Variants in PDE4D observed in about 807,000 individuals in gnomAD.
The protein encoded by PDE4D is phosphodiesterase 4D, also known as 3',5'-cyclic-AMP phosphodiesterase 4D.
PDE4D carries 24 observed loss-of-function variants against 87.4 expected under a neutral mutation model. The observed-to-expected ratio is 0.27, with a 90% CI of 0.20 to 0.39. The LOEUF (loss-of-function observed/expected upper bound fraction) is 0.39, where lower values mean the gene tolerates loss of function less well. PDE4D is among the 10% of genes least tolerant of loss of function. PDE4D has a pLI of 1.00. For missense variants in PDE4D, 714 were observed against 1,041.0 expected (o/e 0.69, Z 4.32); for synonymous variants, 384 against 383.2 (o/e 1.00, Z -0.02).
At chr5:60,511,898 A>C (rs1338034402) in intron 1 of PDE4D, among the ~76,000 whole-genome samples, 2 of 152,204 alleles carry the variant, frequency 1.3e-5, no homozygotes, top group Non-Finnish European at 2.9e-5. Context: ...ATGCTAAAAG[A>C]ATTTAATATT....
chr5:59,038,786 A>T, intron 6 of PDE4D, 73 bp downstream of exon 6: 1 of 1,323,748 alleles, frequency 7.6e-7, no homozygotes, highest in Non-Finnish European at 1.0e-6. Context: ...TCCCGGGGCT[A>T]TGGGTACCAG....
At chr5:59,199,903 T>A (rs144708527) in intron 2 of PDE4D, among the ~76,000 whole-genome samples, 1 of 151,884 alleles carries the variant, frequency 6.6e-6, no homozygotes, top group Non-Finnish European at 1.5e-5. Flanking sequence ...CATATATACA[T>A]ATATGCATGT....
rs375995184 is a variant in PDE4D, at chr5:60,437,465, A to C, written c.-90+50477T>G. Among the ~76,000 whole-genome samples, 5 of 152,250 alleles carry C rather than the reference A, an allele frequency of 3.3e-5. No homozygotes were observed. In the East Asian group the frequency reaches 7.7e-4, roughly 23 times the overall value. ...TCACATTTGACTCTACAGCACAAGAAAAGCTAAGTGGCCAGCTTGTGGTTT... is the reference window on the plus strand; with the variant it reads ...TCACATTTGACTCTACAGCACAAGACAAGCTAAGTGGCCAGCTTGTGGTTT... On this transcript the variant is annotated intron_variant, in intron 1 of 16. Transcript: ENST00000502484.
intron 1 of PDE4D, among the ~76,000 whole-genome samples, chr5:60,270,747 T>C (rs1750727870): frequency 6.6e-6 from 1 of 152,174 alleles, no homozygotes; most frequent in African/African-American, 2.4e-5. Flanking sequence ...CAATGAAATC[T>C]CCGCTTATCA....
intron 1 of PDE4D, among the ~76,000 whole-genome samples, chr5:59,488,068 G>C (rs987811995): frequency 6.6e-6 from 1 of 151,622 alleles, no homozygotes; most frequent in African/African-American, 2.4e-5. Flanking sequence ...CTAAGGCTTG[G>C]GGTCTAGGTG....
intron 3 of PDE4D, among the ~76,000 whole-genome samples, chr5:59,908,368 A>C (rs1753065657): frequency 6.6e-6 from 1 of 152,194 alleles, no homozygotes. Context: ...CTTGCTTTTG[A>C]TTATTGGTTA....
intron 1 of PDE4D, among the ~76,000 whole-genome samples, chr5:60,429,697 C>A (rs1037570804): frequency 6.6e-6 from 1 of 152,106 alleles, no homozygotes. Context: ...TATCAAAAGC[C>A]TTTTCTGCAT....
rs72765919 is a variant in PDE4D at position 59,223,364 on chromosome 5, G to C, written c.456-7396C>G. On this transcript the variant is annotated intron_variant, in intron 1 of 14. Transcript: ENST00000340635. Reference sequence around the variant, plus strand: ...GGTCTCCAGACACAGGGTGTAGCTTGGGGACCTCAGGTCACAATTATACTG... The same window carrying C: ...GGTCTCCAGACACAGGGTGTAGCTTCGGGACCTCAGGTCACAATTATACTG... 4.6e-3 allele frequency among the ~76,000 whole-genome samples: 697 copies of C among 152,114 alleles called. 4 individuals are homozygous for C. Among genetic ancestry groups the C allele is most frequent in the Non-Finnish European group, 7.9e-3 (535 of 67,978 alleles).
chr5:59,832,409 C>T (rs1581318682), intron 1 of PDE4D, among the ~76,000 whole-genome samples: 1 of 152,022 alleles, frequency 6.6e-6, no homozygotes, highest in Non-Finnish European at 1.5e-5. Context: ...GATCAAAATG[C>T]TCTTTTTTGA....
intron 2 of PDE4D, among the ~76,000 whole-genome samples, chr5:60,138,355 G>A (rs187820942): frequency 6.6e-6 from 1 of 152,234 alleles, no homozygotes; most frequent in Non-Finnish European, 1.5e-5. Context: ...AAGGAAGAAT[G>A]CTGTGGCATA....
intron 1 of PDE4D, among the ~76,000 whole-genome samples, chr5:59,457,153 T>C (rs948398034): frequency 3.9e-5 from 6 of 152,230 alleles, no homozygotes; most frequent in Admixed American, 6.5e-5. Flanking sequence ...AAGTCTTTTA[T>C]GAAGAGAAAA....
intron 1 of PDE4D, among the ~76,000 whole-genome samples, chr5:59,227,934 A>G (rs542130028): frequency 1.3e-5 from 2 of 152,320 alleles, no homozygotes; most frequent in Admixed American, 1.3e-4. Flanking sequence ...TCATTCTACC[A>G]TAAAGATACG....
chr5:60,113,962 T>C (rs1209637341), intron 2 of PDE4D, among the ~76,000 whole-genome samples: 1 of 152,124 alleles, frequency 6.6e-6, no homozygotes, highest in African/African-American at 2.4e-5. Flanking sequence ...AAAATTGTTC[T>C]GCAACATGGT....
intron 6 of PDE4D, among the ~76,000 whole-genome samples, chr5:59,034,246 A>G (rs542770553): frequency 6.6e-6 from 1 of 152,184 alleles, no homozygotes; most frequent in Non-Finnish European, 1.5e-5. Context: ...TTGATTTTCT[A>G]TAATTATAGA....
At position 59,439,718 on chromosome 5, in the gene PDE4D, G is replaced by A. The variant is rs77447140; in HGVS notation, c.456-223750C>T. Among the ~76,000 whole-genome samples, 734 of 152,226 alleles carry A rather than the reference G, an allele frequency of 4.8e-3. 7 individuals carry two copies. The highest frequency in any genetic ancestry group is 0.017 in the African/African-American group (702 of 41,534). On this transcript the variant is annotated intron_variant, in intron 1 of 14. Coordinates refer to ENST00000340635, the MANE Select transcript of PDE4D (RefSeq NM_001104631.2). Reference sequence around the variant, plus strand: ...AGGAGCCCAAGGAGTTCAGGGATGGGGTGAGAAGAGGGACTGCTTTGCTGC... The same window carrying A: ...AGGAGCCCAAGGAGTTCAGGGATGGAGTGAGAAGAGGGACTGCTTTGCTGC...
chr5:59,549,547 C>T (rs1425171433), intron 1 of PDE4D, among the ~76,000 whole-genome samples: 1 of 152,044 alleles, frequency 6.6e-6, no homozygotes, highest in Non-Finnish European at 1.5e-5. Flanking sequence ...CCTACCAAAA[C>T]CAAGAATGAT....
At chr5:59,946,050 A>G (rs1757692662) in intron 3 of PDE4D, among the ~76,000 whole-genome samples, 1 of 152,188 alleles carries the variant, frequency 6.6e-6, no homozygotes, top group South Asian at 2.1e-4. Flanking sequence ...AAAATGATGA[A>G]CAGCTCAACA....
intron 3 of PDE4D, among the ~76,000 whole-genome samples, chr5:59,972,135 C>T (rs921139690): frequency 1.3e-5 from 2 of 152,174 alleles, no homozygotes; most frequent in Non-Finnish European, 2.9e-5. Context: ...ATTCAAAGTC[C>T]TGGCTAGGAA....
intron 5 of PDE4D, among the ~76,000 whole-genome samples, chr5:59,158,880 A>G (rs1293255780): frequency 6.6e-6 from 1 of 152,172 alleles, no homozygotes; most frequent in African/African-American, 2.4e-5. Context: ...AAGAAATCAC[A>G]AGTGATCACC....
Sources: gnomAD v4.1 joint callset for allele counts (sites outside exome capture counted in the v4.1 genomes callset) on GRCh38, gnomAD v4.1.1 for gene constraint, MANE v1.5 for transcripts, NCBI Gene and HGNC (gene_info 2026-07-23, HGNC 2026-07-21) for gene names.